Variants in HS6ST2 observed in about 807,000 individuals in gnomAD.
HS6ST2 encodes the protein heparan-sulfate 6-O-sulfotransferase 2.
HS6ST2 carries 17 observed loss-of-function variants against 33.0 expected under a neutral mutation model. The ratio of observed to expected loss-of-function variants is 0.52; its 90% CI spans 0.35 to 0.77. The LOEUF is 0.77. HS6ST2 is among the 30% of genes least tolerant of loss of function. HS6ST2 has a pLI of 0.01. For synonymous variants in HS6ST2, 248 were observed against 237.1 expected, an observed-to-expected ratio of 1.05 and a Z score of -0.42; for missense variants, 519 against 551.7, an observed-to-expected ratio of 0.94 and a Z score of 0.59.
intron 2 of HS6ST2, among the ~76,000 whole-genome samples, chrX:132,760,654 T>A (rs1407035964): frequency 9.0e-6 from 1 of 111,545 alleles, no homozygotes; most frequent in Non-Finnish European, 1.9e-5. Context: ...TACAACTGTG[T>A]GTATACATGA....
chrX:132,941,765 G>T (rs1049922344), intron 2 of HS6ST2, among the ~76,000 whole-genome samples: 1 of 111,223 alleles, frequency 9.0e-6, no homozygotes, highest in Non-Finnish European at 1.9e-5. Flanking sequence ...GCTTCCAGAA[G>T]ATTGTAGAAT....
At chrX:132,940,560 T>TA (rs763084167) in intron 2 of HS6ST2, among the ~76,000 whole-genome samples, 4 of 110,965 alleles carry the variant, frequency 3.6e-5, no homozygotes, top group Non-Finnish European at 7.6e-5. Flanking sequence ...AGAATATGTT[T>TA]AAAAAAAACC....
chrX:132,951,116 CCT>C (rs2067010942), intron 2 of HS6ST2, among the ~76,000 whole-genome samples: 1 of 111,478 alleles, frequency 9.0e-6, no homozygotes, highest in Non-Finnish European at 1.9e-5. Context: ...CCCTTCTCAA[CCT>C]CTCTGTTTTG....
intron 4 of HS6ST2, among the ~76,000 whole-genome samples, chrX:132,640,962 G>T (rs1417136055): frequency 9.0e-6 from 1 of 110,968 alleles, no homozygotes; most frequent in African/African-American, 3.3e-5. Flanking sequence ...TGAGGTTTAG[G>T]GTATGGATCC....
At chrX:132,956,502 G>C in intron 2 of HS6ST2, among the ~76,000 whole-genome samples, 1 of 112,129 alleles carries the variant, frequency 8.9e-6, no homozygotes, top group South Asian at 3.7e-4. Context: ...CGGAGACTGA[G>C]TACGATGCCC....
At chrX:132,776,892 A>T (rs1048857944) in intron 2 of HS6ST2, among the ~76,000 whole-genome samples, 3 of 110,241 alleles carry the variant, frequency 2.7e-5, no homozygotes, top group Non-Finnish European at 3.8e-5. Context: ...TAAGTCTCTG[A>T]TTACTCCAGC....
At chrX:132,929,260 T>G (rs1307792973) in intron 2 of HS6ST2, among the ~76,000 whole-genome samples, 1 of 110,935 alleles carries the variant, frequency 9.0e-6, no homozygotes, top group Non-Finnish European at 1.9e-5. Context: ...GAACTAGATT[T>G]CTGGTTCTGG....
chrX:132,702,893 A>G (rs766068857), intron 3 of HS6ST2, among the ~76,000 whole-genome samples: 1 of 112,133 alleles, frequency 8.9e-6, no homozygotes, highest in South Asian at 3.8e-4. Context: ...CTGGATCATA[A>G]TAAGTGCTCA....
At chrX:132,916,655 T>C (rs1212241239) in intron 2 of HS6ST2, among the ~76,000 whole-genome samples, 1 of 112,324 alleles carries the variant, frequency 8.9e-6, no homozygotes, top group Non-Finnish European at 1.9e-5. Flanking sequence ...CCAGCTTTCA[T>C]CTTTCTCCTG....
At chrX:132,721,215 A>C (rs2064324581) in intron 2 of HS6ST2, among the ~76,000 whole-genome samples, 1 of 112,384 alleles carries the variant, frequency 8.9e-6, no homozygotes, top group South Asian at 3.7e-4. Flanking sequence ...AAAAGCCTGA[A>C]ATAGTATCAA....
chrX:132,864,709 C>T (rs1444580849), intron 2 of HS6ST2, among the ~76,000 whole-genome samples: 2 of 110,245 alleles, frequency 1.8e-5, no homozygotes, highest in African/African-American at 6.6e-5. Flanking sequence ...GGAGAACGTC[C>T]CCGACCTAGC....
At chrX:132,741,144 A>G (rs2064571099) in intron 2 of HS6ST2, among the ~76,000 whole-genome samples, 1 of 111,796 alleles carries the variant, frequency 8.9e-6, no homozygotes, top group Non-Finnish European at 1.9e-5. Flanking sequence ...GAATTGCCCA[A>G]GCCTGGCCAG....
intron 2 of HS6ST2, among the ~76,000 whole-genome samples, chrX:132,804,286 C>T (rs903036304): frequency 4.5e-5 from 5 of 111,709 alleles, no homozygotes; most frequent in African/African-American, 1.6e-4. Flanking sequence ...TATCCATTGC[C>T]ACCATCCACT....
intron 2 of HS6ST2, among the ~76,000 whole-genome samples, chrX:132,901,177 G>A (rs1476570413): frequency 9.0e-6 from 1 of 111,614 alleles, no homozygotes; most frequent in African/African-American, 3.3e-5. Flanking sequence ...TGCAGCCCCA[G>A]CCAACATCTT....
Position 132,822,109 on chromosome X carries a change from T to C in HS6ST2, c.948-113615A>G, listed in dbSNP as rs181122930. On this transcript the variant is annotated intron_variant, in intron 2 of 4. Coordinates refer to ENST00000370833, the MANE Select transcript of HS6ST2 (RefSeq NM_001394073.1). ...GAGTAGGTACTTTTATTGTCCCTGT[T>C]AACAGGTGAGGGTACTGAGCCACAG... Among the ~76,000 whole-genome samples the C allele has an allele frequency of 1.6e-4, 18 of 112,134 alleles. No homozygotes were observed. In the East Asian group the frequency reaches 3.1e-3, roughly 19 times the overall value.
At chrX:132,654,189 G>A (rs774259189) in intron 4 of HS6ST2, among the ~76,000 whole-genome samples, 7 of 111,243 alleles carry the variant, frequency 6.3e-5, no homozygotes, top group African/African-American at 2.0e-4. Context: ...TTTAGGGCAT[G>A]ATAGATATAT....
intron 2 of HS6ST2, among the ~76,000 whole-genome samples, chrX:132,723,741 T>C (rs186146933): frequency 8.9e-6 from 1 of 112,207 alleles, no homozygotes; most frequent in East Asian, 2.8e-4. Context: ...ATTGAAAGTC[T>C]TTCCCCTAAG....
chrX:132,820,999 G>A (rs1186882687), intron 2 of HS6ST2, among the ~76,000 whole-genome samples: 1 of 110,158 alleles, frequency 9.1e-6, no homozygotes, highest in Non-Finnish European at 1.9e-5. Flanking sequence ...ACAAATTAGG[G>A]TTTATTTATG....
At chrX:132,768,786 A>T (rs1212329811) in intron 2 of HS6ST2, among the ~76,000 whole-genome samples, 1 of 112,740 alleles carries the variant, frequency 8.9e-6, no homozygotes. Flanking sequence ...ACATTAGAAC[A>T]TACTGAGTTT....
Sources: gnomAD v4.1 joint callset for allele counts (sites outside exome capture counted in the v4.1 genomes callset) on GRCh38, gnomAD v4.1.1 for gene constraint, MANE v1.5 for transcripts, NCBI Gene and HGNC (gene_info 2026-07-23, HGNC 2026-07-21) for gene names.